Variants in SLC14A1 observed in about 807,000 individuals in gnomAD.
SLC14A1 encodes urea transporter 1.
In SLC14A1, 36 loss-of-function variants were observed where a neutral mutation model predicts 39.6. The ratio of observed to expected loss-of-function variants is 0.91; its 90% CI spans 0.70 to 1.20. The LOEUF is 1.20. Among genes scored for constraint, SLC14A1 ranks in the 50% most tolerant of loss-of-function variants. SLC14A1 has a pLI of 0.00. For synonymous variants in SLC14A1, 164 were observed against 173.6 expected, an observed-to-expected ratio of 0.94 and a Z score of 0.43; for missense variants, 469 against 478.7, an observed-to-expected ratio of 0.98 and a Z score of 0.19.
intron 2 of SLC14A1, among the ~76,000 whole-genome samples, chr18:45,728,012 G>C (rs551246720): frequency 3.9e-5 from 6 of 152,300 alleles, no homozygotes; most frequent in South Asian, 2.1e-4. Context: ...AGCAGCAACT[G>C]TCTGCCCAGG....
In SLC14A1 at chr18:45,739,274, C is replaced by A; in HGVS notation, c.775C>A (p.His259Asn). Reference sequence around the variant, plus strand: ...ACTCTCCTCCCCACTCATGTGCCTGCATGCTGCCATAGGATCATTGCTGGG... The same window carrying A: ...ACTCTCCTCCCCACTCATGTGCCTGAATGCTGCCATAGGATCATTGCTGGG... ...ILLSSPLMCL[H>N]AAIGSLLGIA... The change falls in exon 7 of 10, where the codon CAT (histidine) becomes AAT (asparagine). Residue 259 changes from histidine (H) to asparagine (N), a missense_variant. His to Asn is a moderately conservative substitution (Grantham distance 68). Coordinates refer to ENST00000321925, the MANE Select transcript of SLC14A1 (RefSeq NM_015865.7). 1 of 1,614,174 alleles carries A rather than the reference C, an allele frequency of 6.2e-7. No individual in the cohort carries two copies. Among genetic ancestry groups the A allele is most frequent in the Non-Finnish European group, 8.5e-7 (1 of 1,180,028 alleles).
chr18:45,741,882 C>A lies in SLC14A1; in HGVS notation c.946+2220C>A, dbSNP rs28898888. 9.7e-3 allele frequency among the ~76,000 whole-genome samples: 1,471 copies of A among 152,230 alleles called. 26 individuals are homozygous for A. The highest frequency in any genetic ancestry group is 0.034 in the African/African-American group (1,416 of 41,522). Reference sequence around the variant, plus strand: ...TTATTCTGAGATTGGTTAGGGGTTTCAAACCTTTATTTGGGATGCATACCT... The same window carrying A: ...TTATTCTGAGATTGGTTAGGGGTTTAAAACCTTTATTTGGGATGCATACCT... On this transcript the variant is annotated intron_variant, in intron 8 of 9. Transcript: ENST00000321925.
chr18:45,732,022 G>A (rs931147315), intron 4 of SLC14A1, among the ~76,000 whole-genome samples: 3 of 152,234 alleles, frequency 2.0e-5, no homozygotes, highest in Admixed American at 1.3e-4. Flanking sequence ...GCTCCCTGTA[G>A]AAGGGGATTT....
At chr18:45,725,876 G>A (rs1236902738) in intron 2 of SLC14A1, among the ~76,000 whole-genome samples, 1 of 152,152 alleles carries the variant, frequency 6.6e-6, no homozygotes, top group Non-Finnish European at 1.5e-5. Context: ...GGAAAATATT[G>A]ATGTTGAGCT....
chr18:45,736,617 A>G lies in SLC14A1; in HGVS notation c.632A>G (p.Asn211Ser). Reference protein sequence around the residue: ...KLVIPITTAPNISWSDLSALE... With the variant: ...KLVIPITTAPSISWSDLSALE... ...GTCATACCTATAACTACAGCTCCAA[A>G]TATCTCCTGGTCTGACCTCAGTGCC... Residue 211 changes from asparagine (N) to serine (S), a missense_variant, in exon 6 of 10, where the codon AAT becomes AGT. Asn to Ser is a conservative substitution (Grantham distance 46). Coordinates refer to ENST00000321925, the MANE Select transcript of SLC14A1 (RefSeq NM_015865.7). The G allele has an allele frequency of 6.2e-7, 1 of 1,614,080 alleles. No homozygotes were observed. Among genetic ancestry groups the G allele is most frequent in the South Asian group, 1.1e-5 (1 of 91,074 alleles).
At chr18:45,747,454 C>T (rs549577087) in intron 8 of SLC14A1, among the ~76,000 whole-genome samples, 5 of 151,848 alleles carry the variant, frequency 3.3e-5, no homozygotes, top group Admixed American at 2.0e-4. Context: ...TTTGGGAGGC[C>T]GAGACGGGCA....
At chr18:45,727,307 C>T (rs778120593) in intron 2 of SLC14A1, 15 of 1,551,420 alleles carry the variant, frequency 9.7e-6, no homozygotes, top group Non-Finnish European at 1.2e-5. Context: ...GCGCTGGTGA[C>T]GCCCGTCATG....
chr18:45,744,140 G>T (rs1273501301), intron 8 of SLC14A1, among the ~76,000 whole-genome samples: 1 of 152,128 alleles, frequency 6.6e-6, no homozygotes, highest in Non-Finnish European at 1.5e-5. Context: ...AGACTCCCAA[G>T]TAGCTGGGAT....
chr18:45,747,010 G>A (rs909795713), intron 8 of SLC14A1: 2 of 152,178 alleles, frequency 1.3e-5, no homozygotes, highest in African/African-American at 4.8e-5. Flanking sequence ...GAAACACCAG[G>A]ATAAAAAGAC....
intron 2 of SLC14A1, chr18:45,727,312 G>A (rs1156595792): frequency 3.9e-6 from 6 of 1,551,392 alleles, no homozygotes; most frequent in East Asian, 4.9e-5. Flanking sequence ...GGTGACGCCC[G>A]TCATGGTCCT....
intron 5 of SLC14A1, among the ~76,000 whole-genome samples, chr18:45,734,997 C>G (rs16978474): frequency 0.14 from 21,894 of 152,148 alleles, 2,167 homozygotes; most frequent in East Asian, 0.4. Context: ...CCAGAGGTGG[C>G]TGCACATTGA....
At position 45,750,932 on chromosome 18, in the gene SLC14A1, TG is replaced by T; in HGVS notation, c.*982del. The stretch of plus-strand genomic sequence containing the variant: ...TAAAGACTGAAGGCAAAGGTCAGAT[TG>T]CTTACGGGTGTTATTTTTATAAGTT... On this transcript the variant is annotated 3_prime_UTR_variant, in exon 10 of 10. Transcript: ENST00000321925. The T allele has an allele frequency of 1.0e-6, 1 of 984,680 alleles. No individual in the cohort carries two copies. Among genetic ancestry groups the T allele is most frequent in the South Asian group, 4.7e-5 (1 of 21,278 alleles). The allele number at this position is 984,680 out of a possible 1,614,324, so 61.0% of individuals were successfully genotyped here.
chr18:45,750,928 A>AGAT lies in SLC14A1; in HGVS notation c.*978_*980dup. 1.5e-5 allele frequency: 15 copies of AGAT among 985,018 alleles called. No homozygotes were observed. Among genetic ancestry groups the AGAT allele is most frequent in the African/African-American group, 1.7e-5 (1 of 57,372 alleles). The allele number at this position is 985,018 out of a possible 1,614,324, so 61.0% of individuals were successfully genotyped here. On this transcript the variant is annotated 3_prime_UTR_variant, in exon 10 of 10. Transcript: ENST00000321925. ...CTTATAAAGACTGAAGGCAAAGGTC[A>AGAT]GATTGCTTACGGGTGTTATTTTTAT...
chr18:45,737,721 T>C (rs1043377098), intron 6 of SLC14A1: 1 of 152,256 alleles, frequency 6.6e-6, no homozygotes, highest in Non-Finnish European at 1.5e-5. Context: ...CATGTGGCTA[T>C]ATAAATTTAG....
chr18:45,724,681 G>T (rs908393352), intron 1 of SLC14A1, among the ~76,000 whole-genome samples: 3 of 152,180 alleles, frequency 2.0e-5, no homozygotes, highest in Admixed American at 2.0e-4. Flanking sequence ...AGACTCAAAA[G>T]AAAAAAGTGG....
At chr18:45,744,270 T>C (rs1056614745) in intron 8 of SLC14A1, among the ~76,000 whole-genome samples, 1 of 152,236 alleles carries the variant, frequency 6.6e-6, no homozygotes, top group Non-Finnish European at 1.5e-5. Context: ...TGCCTCGGCC[T>C]CCCAAAGTGC....
At chr18:45,748,968 A>C (rs1232827509) in intron 9 of SLC14A1, among the ~76,000 whole-genome samples, 1 of 152,198 alleles carries the variant, frequency 6.6e-6, no homozygotes, top group Non-Finnish European at 1.5e-5. Context: ...AGTACATCAG[A>C]GCACATGGGG....
intron 2 of SLC14A1, chr18:45,729,510 T>C (rs866253501): frequency 3.3e-5 from 5 of 152,258 alleles, no homozygotes; most frequent in South Asian, 2.1e-4. Context: ...TTCCTATAAT[T>C]ATGCCCTGCA....
chr18:45,751,524 T>A lies in SLC14A1; in HGVS notation c.*1573T>A, dbSNP rs146043071. On this transcript the variant is annotated 3_prime_UTR_variant, in exon 10 of 10. Transcript: ENST00000321925. ...TTCAGGGACTGGCTCACACCTGTAA[T>A]CCCAGCACTTTGGGAGATGGAGGTA... is the stretch of plus-strand genomic sequence containing the variant. 1.1e-3 allele frequency: 1,057 copies of A among 984,902 alleles called. 14 individuals are homozygous for A. The highest frequency in any genetic ancestry group is 3.6e-3 in the Admixed American group (58 of 16,246). The allele number at this position is 984,902 out of a possible 1,614,324, so 61.0% of individuals were successfully genotyped here.
Sources: allele counts gnomAD v4.1 joint callset (sites outside exome capture counted in the v4.1 genomes callset), GRCh38; gene constraint gnomAD v4.1.1; transcripts MANE v1.5; gene names NCBI Gene and HGNC (gene_info 2026-07-23, HGNC 2026-07-21).